Variants in TRIM49 observed in about 807,000 individuals in gnomAD.
The protein encoded by TRIM49 is tripartite motif containing 49.
A neutral mutation model predicts 27.4 loss-of-function variants in TRIM49; 5 were observed. The ratio of observed to expected loss-of-function variants is 0.18; its 90% CI spans 0.10 to 0.38. The LOEUF is 0.38. TRIM49 is among the 10% of genes least tolerant of loss of function. The pLI, the probability that TRIM49 is intolerant of heterozygous loss-of-function variation, is 1.00. For missense variants in TRIM49, 188 were observed against 487.5 expected (o/e 0.39, Z 5.79); for synonymous variants, 69 against 166.0 (o/e 0.42, Z 4.49).
chr11:89,804,004 C>A, intron 3 of TRIM49, 55 bp downstream of exon 3: 1 of 1,611,408 alleles, frequency 6.2e-7, no homozygotes, highest in Non-Finnish European at 8.5e-7. Context: ...GAAAATAGAC[C>A]CACAGGAATT....
chr11:89,794,061 T>A (rs372679131), downstream of TRIM49, among the ~76,000 whole-genome samples: 8,157 of 138,762 alleles, frequency 0.059, 334 homozygotes, highest in Non-Finnish European at 0.095. Context: ...AAAATCAATG[T>A]GCAAAAATCA....
At chr11:89,783,667 C>T in the TRIM49 span, among the ~76,000 whole-genome samples, 103 of 144,014 alleles carry the variant, frequency 7.2e-4, 5 homozygotes, top group Non-Finnish European at 1.1e-3. Flanking sequence ...ATAAACCTTC[C>T]TATGCAGTAG....
chr11:89,802,366 G>A lies in TRIM49; in HGVS notation c.508-434C>T, dbSNP rs1403926383. On this transcript the variant is annotated intron_variant, in intron 4 of 7. Transcript: ENST00000329758. ...TAGCATGTCCAGCTAAGTGCATTTC[G>A]CTCAGCAAAACCTATCCTAATAAGG... Among the ~76,000 whole-genome samples the A allele has an allele frequency of 5.3e-5, 8 of 150,352 alleles. No individual in the cohort carries two copies. In the South Asian group the frequency reaches 1.3e-3, roughly 24 times the overall value.
At chr11:89,786,985 G>A in the TRIM49 span, 1 of 122,544 alleles carries the variant, frequency 8.2e-6, no homozygotes, top group Non-Finnish European at 1.6e-5. Context: ...AGCTAGTAGG[G>A]GCGGGTGTCC....
intron 2 of TRIM49, among the ~76,000 whole-genome samples, chr11:89,805,714 T>C (rs1328358009): frequency 7.7e-6 from 1 of 129,138 alleles, no homozygotes; most frequent in Non-Finnish European, 1.5e-5. Context: ...GTGTTTTTAG[T>C]TTTTTTTTGT....
At chr11:89,772,241 T>A in the TRIM49 span, among the ~76,000 whole-genome samples, 10 of 138,032 alleles carry the variant, frequency 7.2e-5, no homozygotes, top group East Asian at 2.1e-4. Context: ...GTAAAAATAC[T>A]GTATACACAT....
the TRIM49 span, among the ~76,000 whole-genome samples, chr11:89,770,298 T>G: frequency 0.15 from 18,222 of 124,524 alleles, 650 homozygotes; most frequent in East Asian, 0.3. Context: ...ATAAATAAGT[T>G]ACTCTCAACC....
chr11:89,769,477 C>T, the TRIM49 span, among the ~76,000 whole-genome samples: 8 of 136,612 alleles, frequency 5.9e-5, 1 homozygote, highest in South Asian at 6.8e-4. Context: ...GATCTTCCTG[C>T]AGTTATGGAA....
At chr11:89,807,647 G>GCCTT (rs1949797938) in intron 1 of TRIM49, among the ~76,000 whole-genome samples, 1 of 150,918 alleles carries the variant, frequency 6.6e-6, no homozygotes, top group African/African-American at 2.5e-5. Context: ...TCCTGCTTCA[G>GCCTT]CCTTCCAAGT....
chr11:89,791,022 A>G, the TRIM49 span, among the ~76,000 whole-genome samples: 1 of 144,788 alleles, frequency 6.9e-6, no homozygotes, highest in Non-Finnish European at 1.5e-5. Flanking sequence ...ATGAATGGCT[A>G]ACTAGAACCA....
At chr11:89,768,911 G>T in the TRIM49 span, 15 of 481,352 alleles carry the variant, frequency 3.1e-5, no homozygotes, top group South Asian at 6.2e-5. Flanking sequence ...GGGTGAGGTG[G>T]CTCACACCTG....
the TRIM49 span, among the ~76,000 whole-genome samples, chr11:89,790,677 C>T: frequency 6.6e-6 from 1 of 152,010 alleles, no homozygotes; most frequent in South Asian, 2.1e-4. Flanking sequence ...AACAGACCTG[C>T]AGCTGAGGGT....
chr11:89,790,658 GA>G, the TRIM49 span, among the ~76,000 whole-genome samples: 1 of 151,920 alleles, frequency 6.6e-6, no homozygotes, highest in African/African-American at 2.4e-5. Context: ...TGGACCTCCA[GA>G]AAACTCCAAC....
chr11:89,796,042 A>G (rs1949685902), downstream of TRIM49, among the ~76,000 whole-genome samples: 1 of 151,772 alleles, frequency 6.6e-6, no homozygotes, highest in African/African-American at 2.4e-5. Context: ...GGTGTGTATC[A>G]CATTGGTAAT....
chr11:89,785,966 TCGGCCG>T, the TRIM49 span: 1 of 140,128 alleles, frequency 7.1e-6, no homozygotes, highest in Non-Finnish European at 1.5e-5. Context: ...TGGCTGGGAC[TCGGCCG>T]CAGGGTGGCG....
At chr11:89,796,240 G>A (rs1591511348), downstream of TRIM49, among the ~76,000 whole-genome samples, 1 of 151,864 alleles carries the variant, frequency 6.6e-6, no homozygotes, top group Non-Finnish European at 1.5e-5. Context: ...AGTAATTATA[G>A]TTTGTTTTAT....
chr11:89,774,336 A>G, the TRIM49 span, among the ~76,000 whole-genome samples: 1 of 151,058 alleles, frequency 6.6e-6, no homozygotes, highest in East Asian at 1.9e-4. Flanking sequence ...AACTGTGTTA[A>G]GTCAACTTTC....
the TRIM49 span, among the ~76,000 whole-genome samples, chr11:89,776,418 CT>C: frequency 6.8e-6 from 1 of 148,028 alleles, no homozygotes; most frequent in African/African-American, 2.6e-5. Flanking sequence ...CCACCACGCC[CT>C]GCTAATTTTT....
downstream of TRIM49, among the ~76,000 whole-genome samples, chr11:89,796,418 T>C (rs1394398600): frequency 4.3e-5 from 6 of 139,124 alleles, no homozygotes; most frequent in East Asian, 1.3e-3. Context: ...GAATGTTTAG[T>C]AGACATGAGG....
Sources: allele counts gnomAD v4.1 joint callset (sites outside exome capture counted in the v4.1 genomes callset), GRCh38; gene constraint gnomAD v4.1.1; transcripts MANE v1.5; gene names NCBI Gene and HGNC (gene_info 2026-07-23, HGNC 2026-07-21).